The following TRABD2B variants were observed in gnomAD, a reference collection of about 807,000 sequenced individuals.
The protein encoded by TRABD2B is TraB domain containing 2B.
A neutral mutation model predicts 40.1 loss-of-function variants in TRABD2B; 14 were observed. The observed-to-expected ratio is 0.35, with a 90% CI of 0.23 to 0.55. The LOEUF (loss-of-function observed/expected upper bound fraction) is 0.55. TRABD2B is among the 20% of genes least tolerant of loss of function. The probability of loss-of-function intolerance (pLI) is 0.90; values close to 1 mark genes in which losing one functional copy is unlikely to be tolerated. For synonymous variants in TRABD2B, 263 were observed against 277.0 expected (o/e 0.95, Z 0.50); for missense variants, 541 against 648.6 (o/e 0.83, Z 1.80).
chr1:47,774,103 G>A (rs1241389379), intron 6 of TRABD2B, among the ~76,000 whole-genome samples: 1 of 152,078 alleles, frequency 6.6e-6, no homozygotes, highest in East Asian at 1.9e-4. Flanking sequence ...GAATCTCCAG[G>A]TGTACACGCA....
chr1:47,865,164 G>A (rs1644037312), intron 2 of TRABD2B, among the ~76,000 whole-genome samples: 1 of 152,196 alleles, frequency 6.6e-6, no homozygotes, highest in Non-Finnish European at 1.5e-5. Context: ...CTTCTTTTGA[G>A]CAACACTTCT....
chr1:47,849,837 C>T (rs928701819), intron 2 of TRABD2B, among the ~76,000 whole-genome samples: 1 of 152,226 alleles, frequency 6.6e-6, no homozygotes, highest in African/African-American at 2.4e-5. Context: ...CCCTGCCTTA[C>T]ACAACTGCCT....
rs1274530699 is a variant in TRABD2B at position 47,994,545 on chromosome 1, T to G, written c.155A>C (p.Tyr52Ser). 1.3e-6 allele frequency: 2 copies of G among 1,535,816 alleles called. No individual in the cohort carries two copies. Among genetic ancestry groups the G allele is most frequent in the Non-Finnish European group, 1.7e-6 (2 of 1,146,870 alleles). Reference protein sequence around the residue: ...LWTIRRDPPAYLFGTIHVPYT... With the variant: ...LWTIRRDPPASLFGTIHVPYT... ...GGGGACGTGAATAGTGCCAAACAGG[T>G]AGGCCGGAGGATCACGCCGAATCGT... Residue 52 changes from tyrosine (Y) to serine (S), a missense_variant, in exon 2 of 7, where the codon TAC becomes TCC. Coordinates refer to ENST00000606738, the MANE Select transcript of TRABD2B (RefSeq NM_001194986.2). The surrounding 1 kb of genome is among the most constrained non-coding windows in gnomAD (Gnocchi z 6.7).
chr1:47,945,188 T>C (rs187961416), intron 2 of TRABD2B, among the ~76,000 whole-genome samples: 21 of 152,090 alleles, frequency 1.4e-4, no homozygotes, highest in African/African-American at 4.8e-4. Context: ...CACTTGGAGA[T>C]AGTGAAAGGG....
rs1239987013 is a variant in TRABD2B at position 47,765,107 on chromosome 1, A to G, written c.*795T>C. ...CTTTAACCCAAGCTGGATTCATGAC[A>G]CCAGAACAGAGAGGTCTGGATTTAT... On this transcript the variant is annotated 3_prime_UTR_variant, in exon 7 of 7. Transcript: ENST00000606738. 3 of 152,124 alleles carry G rather than the reference A, an allele frequency of 2.0e-5. No homozygotes were observed. The highest frequency in any genetic ancestry group is 7.2e-5 in the African/African-American group (3 of 41,400). 9.4% of individuals were successfully genotyped at this position (152,124 alleles called of 1,614,324 possible).
At chr1:47,774,035 C>A (rs1644410508) in intron 6 of TRABD2B, among the ~76,000 whole-genome samples, 10 of 152,150 alleles carry the variant, frequency 6.6e-5, no homozygotes, top group Admixed American at 6.5e-4. Flanking sequence ...CCGACTCAGG[C>A]CTTGGTTCAC....
chr1:47,826,608 C>T (rs1645178788), intron 2 of TRABD2B, among the ~76,000 whole-genome samples: 1 of 152,062 alleles, frequency 6.6e-6, no homozygotes, highest in Non-Finnish European at 1.5e-5. Context: ...GGATTTCACT[C>T]TGTTACCCAG....
At chr1:47,911,020 C>T (rs1434008528) in intron 2 of TRABD2B, among the ~76,000 whole-genome samples, 1 of 152,178 alleles carries the variant, frequency 6.6e-6, no homozygotes, top group Admixed American at 6.5e-5. Flanking sequence ...GGAGGCAATT[C>T]CTGGTGATGG....
At chr1:47,883,988 G>T (rs923673035) in intron 2 of TRABD2B, among the ~76,000 whole-genome samples, 45 of 152,204 alleles carry the variant, frequency 3.0e-4, no homozygotes, top group African/African-American at 1.1e-3. Flanking sequence ...GATTGTGCTT[G>T]ACCCCCAGGG....
chr1:47,981,260 C>T (rs1645836799), intron 2 of TRABD2B, among the ~76,000 whole-genome samples: 1 of 152,150 alleles, frequency 6.6e-6, no homozygotes, highest in Non-Finnish European at 1.5e-5. Context: ...GTGATCCACC[C>T]ACCTCGGCCT....
At chr1:47,780,989 G>T (rs1229788882) in intron 4 of TRABD2B, among the ~76,000 whole-genome samples, 1 of 152,242 alleles carries the variant, frequency 6.6e-6, no homozygotes, top group Non-Finnish European at 1.5e-5. Context: ...TGGGGCAACT[G>T]TAAAGCCCTA....
At chr1:47,972,823 C>A (rs1242740350) in intron 2 of TRABD2B, among the ~76,000 whole-genome samples, 1 of 152,152 alleles carries the variant, frequency 6.6e-6, no homozygotes, top group African/African-American at 2.4e-5. Flanking sequence ...ATGGCCCACT[C>A]CCCTCAATGC....
Position 47,944,539 on chromosome 1 carries a change from C to T in TRABD2B, c.666+49495G>A, listed in dbSNP as rs527721566. The stretch of plus-strand genomic sequence containing the variant: ...AAAGTTGACTGTAGTGCAGGCCAGA[C>T]ATGGTGAAAAGAGCAGGTGGAGGAA... On this transcript the variant is annotated intron_variant, in intron 2 of 6. Coordinates refer to ENST00000606738, the MANE Select transcript of TRABD2B (RefSeq NM_001194986.2). Among the ~76,000 whole-genome samples, 27 of 152,216 alleles carry T rather than the reference C, an allele frequency of 1.8e-4. No individual in the cohort carries two copies. The South Asian group carries it at 2.1e-3, about 12-fold the overall frequency.
At chr1:47,975,353 T>G (rs1158447499) in intron 2 of TRABD2B, among the ~76,000 whole-genome samples, 1 of 152,254 alleles carries the variant, frequency 6.6e-6, no homozygotes, top group Non-Finnish European at 1.5e-5. Flanking sequence ...TAATAAATGC[T>G]GCACATATAT....
chr1:47,786,838 T>C (rs1644601889), intron 4 of TRABD2B, among the ~76,000 whole-genome samples: 1 of 152,174 alleles, frequency 6.6e-6, no homozygotes, highest in Admixed American at 6.5e-5. Context: ...TATCTGGGAC[T>C]ATAGGCATGC....
At chr1:47,877,313 C>T (rs1431628970) in intron 2 of TRABD2B, among the ~76,000 whole-genome samples, 1 of 152,008 alleles carries the variant, frequency 6.6e-6, no homozygotes, top group African/African-American at 2.4e-5. Flanking sequence ...AGCTCCAGGG[C>T]AGCTGGAACA....
chr1:47,788,352 G>A (rs1644625166), intron 4 of TRABD2B, among the ~76,000 whole-genome samples: 1 of 152,224 alleles, frequency 6.6e-6, no homozygotes, highest in Admixed American at 6.5e-5. Flanking sequence ...TCACAGGTGT[G>A]TTTTGGATTA....
chr1:47,930,390 G>A (rs987294385), intron 2 of TRABD2B, among the ~76,000 whole-genome samples: 3 of 152,188 alleles, frequency 2.0e-5, no homozygotes, highest in East Asian at 1.9e-4. Context: ...TGAGGATAGC[G>A]CTGAGCTCTT....
At chr1:47,801,385 C>T in intron 3 of TRABD2B, 88 bp downstream of exon 3, 2 of 1,367,122 alleles carry the variant, frequency 1.5e-6, no homozygotes, top group East Asian at 2.5e-5. Flanking sequence ...TCCTTCTTGC[C>T]ATGGCTGGAG....
Sources: gnomAD v4.1 joint callset for allele counts (sites outside exome capture counted in the v4.1 genomes callset) on GRCh38, gnomAD v4.1.1 for gene constraint, Gnocchi (gnomAD v3.1) non-coding constraint, MANE v1.5 for transcripts, NCBI Gene and HGNC (gene_info 2026-07-23, HGNC 2026-07-21) for gene names.